Variants in DPP10 observed in about 807,000 individuals in gnomAD.
DPP10 encodes inactive dipeptidyl peptidase 10.
In DPP10, 33 loss-of-function variants were observed where a neutral mutation model predicts 120.9. The ratio of observed to expected loss-of-function variants is 0.27; its 90% CI spans 0.21 to 0.37. The LOEUF (loss-of-function observed/expected upper bound fraction) is 0.37. DPP10 is among the 10% of genes least tolerant of loss of function. The pLI, the probability that DPP10 is intolerant of heterozygous loss-of-function variation, is 1.00. For missense variants in DPP10, 816 were observed against 942.8 expected (o/e 0.87, Z 1.76); for synonymous variants, 337 against 326.1 (o/e 1.03, Z -0.36).
chr2:115,257,085 G>A (rs985705294), intron 1 of DPP10, among the ~76,000 whole-genome samples: 2 of 152,184 alleles, frequency 1.3e-5, no homozygotes, highest in Non-Finnish European at 2.9e-5. Context: ...AAATTTCACT[G>A]TCCATGTCAT....
chr2:114,955,428 C>T (rs1698129481), intron 1 of DPP10, among the ~76,000 whole-genome samples: 1 of 152,196 alleles, frequency 6.6e-6, no homozygotes, highest in Non-Finnish European at 1.5e-5. Context: ...CAGTGGGTTT[C>T]AGCCTCATTT....
intron 1 of DPP10, among the ~76,000 whole-genome samples, chr2:114,866,568 C>G (rs571602855): frequency 3.3e-5 from 5 of 152,260 alleles, no homozygotes; most frequent in Admixed American, 2.0e-4. Flanking sequence ...CATGATGGCT[C>G]TATGAGGTAA....
At chr2:115,242,623 A>G (rs565657493) in intron 1 of DPP10, among the ~76,000 whole-genome samples, 1 of 150,358 alleles carries the variant, frequency 6.7e-6, no homozygotes, top group East Asian at 2.0e-4. Context: ...TTACATTACT[A>G]CCAGCAGTGT....
At chr2:115,824,497 G>A (rs2150072160) in intron 21 of DPP10, among the ~76,000 whole-genome samples, 1 of 152,098 alleles carries the variant, frequency 6.6e-6, no homozygotes, top group Non-Finnish European at 1.5e-5. Flanking sequence ...ACAGGCACCA[G>A]TGTGTGATTT....
At chr2:114,904,490 A>C (rs1331157288) in intron 1 of DPP10, among the ~76,000 whole-genome samples, 1 of 152,184 alleles carries the variant, frequency 6.6e-6, no homozygotes, top group Admixed American at 6.5e-5. Flanking sequence ...AAGCAAGAAG[A>C]GAGAGATGAA....
At chr2:114,627,057 C>G (rs1304312784) in intron 1 of DPP10, among the ~76,000 whole-genome samples, 1 of 152,014 alleles carries the variant, frequency 6.6e-6, no homozygotes, top group Non-Finnish European at 1.5e-5. Flanking sequence ...AGTGAACACA[C>G]GAAGCTCCAT....
intron 1 of DPP10, among the ~76,000 whole-genome samples, chr2:114,746,411 C>A (rs1042002154): frequency 6.6e-6 from 1 of 152,122 alleles, no homozygotes; most frequent in Admixed American, 6.6e-5. Context: ...TTTTTCTTTC[C>A]TTCCTCTGCT....
At chr2:114,665,743 C>T (rs1002155802) in intron 1 of DPP10, among the ~76,000 whole-genome samples, 2 of 151,960 alleles carry the variant, frequency 1.3e-5, no homozygotes, top group Non-Finnish European at 2.9e-5. Flanking sequence ...ATGTGTTGTC[C>T]ATGGGAAGAA....
At chr2:114,899,813 A>C (rs1307067266) in intron 1 of DPP10, among the ~76,000 whole-genome samples, 3 of 149,826 alleles carry the variant, frequency 2.0e-5, no homozygotes, top group Non-Finnish European at 4.5e-5. Flanking sequence ...AAAAAAAATT[A>C]GCCGGGCTTG....
intron 1 of DPP10, among the ~76,000 whole-genome samples, chr2:114,996,998 AAAG>A (rs1701130864): frequency 6.6e-6 from 1 of 151,522 alleles, no homozygotes; most frequent in Non-Finnish European, 1.5e-5. Flanking sequence ...AAAAAAAAAA[AAAG>A]ATTTGTTGTC....
intron 1 of DPP10, among the ~76,000 whole-genome samples, chr2:115,039,592 C>T (rs992321654): frequency 4.2e-4 from 64 of 151,966 alleles, no homozygotes; most frequent in African/African-American, 1.1e-3. Context: ...TTCCCTCAGT[C>T]AGTGACATTA....
intron 5 of DPP10, among the ~76,000 whole-genome samples, chr2:115,600,309 A>T (rs2083246508): frequency 6.6e-6 from 1 of 152,066 alleles, no homozygotes; most frequent in Non-Finnish European, 1.5e-5. Context: ...TTACTCTTCA[A>T]TTTCAAACAC....
chr2:115,530,679 CA>C (rs70941069), intron 5 of DPP10, among the ~76,000 whole-genome samples: 85,685 of 147,570 alleles, frequency 0.58, 25,792 homozygotes, highest in Non-Finnish European at 0.69. Context: ...GACTCTGTCT[CA>C]AAAAAAAAAA....
At chr2:114,607,719 C>T (rs187465692) in intron 1 of DPP10, among the ~76,000 whole-genome samples, 13 of 152,240 alleles carry the variant, frequency 8.5e-5, no homozygotes, top group Non-Finnish European at 1.6e-4. Context: ...ACCTTTTCTT[C>T]TTTGCCTTGT....
At chr2:114,602,219 C>T (rs993592627) in intron 1 of DPP10, among the ~76,000 whole-genome samples, 1 of 151,434 alleles carries the variant, frequency 6.6e-6, no homozygotes, top group Non-Finnish European at 1.5e-5. Context: ...TTCAGTACAC[C>T]TAATGTAAAT....
chr2:115,713,817 G>A (rs72828536), intron 7 of DPP10, among the ~76,000 whole-genome samples: 250 of 152,162 alleles, frequency 1.6e-3, no homozygotes, highest in Non-Finnish European at 2.7e-3. Context: ...TCTCTTCAGA[G>A]AGACTTTTAT....
chr2:115,616,798 A>G lies in DPP10; in HGVS notation c.442-72889A>G, dbSNP rs200912885. ...ATTTCTAAAAAATGCTGATGGTTTT[A>G]ATGTGTTATTTTTATGACACATATC... On this transcript the variant is annotated intron_variant, in intron 5 of 25. Transcript: ENST00000410059. Among the ~76,000 whole-genome samples, 6 of 152,040 alleles carry G rather than the reference A, an allele frequency of 3.9e-5. No homozygotes were observed. In the East Asian group the frequency reaches 7.7e-4, roughly 20 times the overall value.
intron 3 of DPP10, among the ~76,000 whole-genome samples, chr2:115,442,093 T>G (rs1184276524): frequency 1.3e-5 from 2 of 152,134 alleles, no homozygotes; most frequent in African/African-American, 4.8e-5. Context: ...ATTACAGACA[T>G]GAGCCACTGC....
At chr2:115,356,435 T>C (rs2064392095) in intron 3 of DPP10, among the ~76,000 whole-genome samples, 1 of 152,138 alleles carries the variant, frequency 6.6e-6, no homozygotes, top group Admixed American at 6.5e-5. Flanking sequence ...AAGTTGCTTA[T>C]CAGCTTAAGG....
Sources: gnomAD v4.1 joint callset for allele counts (sites outside exome capture counted in the v4.1 genomes callset) on GRCh38, gnomAD v4.1.1 for gene constraint, MANE v1.5 for transcripts, NCBI Gene and HGNC (gene_info 2026-07-23, HGNC 2026-07-21) for gene names.